Variants in ZFHX3 observed in about 807,000 individuals in gnomAD.
ZFHX3 encodes zinc finger homeobox 3.
In ZFHX3, 42 loss-of-function variants were observed where a neutral mutation model predicts 279.1. The ratio of observed to expected loss-of-function variants is 0.15; its 90% CI spans 0.12 to 0.19. The LOEUF (loss-of-function observed/expected upper bound fraction) is 0.19. ZFHX3 is among the 10% of genes least tolerant of loss of function. The pLI is 1.00. For missense variants in ZFHX3, 4,981 were observed against 4,754.0 expected (o/e 1.05, Z -1.40); for synonymous variants, 2,293 against 1,957.8 (o/e 1.17, Z -4.52).
At position 73,539,701 on chromosome 16, in the gene ZFHX3, C is replaced by T. The variant is rs77373264; in HGVS notation, c.-1546-83443G>A. On this transcript the variant is annotated intron_variant, in intron 2 of 17. Coordinates refer to the ZFHX3 transcript ENST00000641206. ...TTTGATGCTGTTCAGTAAAGAGAGA[C>T]GGCTCTTCCACCGCCTGCCCGTGTA... 4.7e-4 allele frequency among the ~76,000 whole-genome samples: 72 copies of T among 152,140 alleles called. 1 individual carries two copies. In the East Asian group the frequency reaches 0.013, roughly 27 times the overall value.
intron 5 of ZFHX3, among the ~76,000 whole-genome samples, chr16:73,158,840 A>G (rs1967158089): frequency 6.6e-6 from 1 of 152,234 alleles, no homozygotes; most frequent in Non-Finnish European, 1.5e-5. Flanking sequence ...AGGACTCCCT[A>G]TTCAATAAAC....
At chr16:73,763,205 C>T (rs2053891642) in intron 1 of ZFHX3, among the ~76,000 whole-genome samples, 2 of 151,978 alleles carry the variant, frequency 1.3e-5, no homozygotes, top group South Asian at 4.2e-4. Context: ...AAAAATTATC[C>T]CTCTTGGCAA....
At chr16:73,140,213 A>T (rs1966843799) in intron 6 of ZFHX3, among the ~76,000 whole-genome samples, 1 of 151,934 alleles carries the variant, frequency 6.6e-6, no homozygotes, top group East Asian at 1.9e-4. Flanking sequence ...GTGAGCTATG[A>T]TCATGTCACT....
intron 1 of ZFHX3, among the ~76,000 whole-genome samples, chr16:73,890,267 AC>A (rs1567441489): frequency 6.6e-6 from 1 of 150,776 alleles, no homozygotes; most frequent in Non-Finnish European, 1.5e-5. Context: ...ACAAAAAAAA[AC>A]CTCTCCCTTC....
At chr16:73,485,986 A>G (rs1024282846) in intron 2 of ZFHX3, among the ~76,000 whole-genome samples, 7 of 152,212 alleles carry the variant, frequency 4.6e-5, no homozygotes, top group East Asian at 1.9e-4. Context: ...TTGTTCATCA[A>G]TGTGTCCCAA....
intron 3 of ZFHX3, among the ~76,000 whole-genome samples, chr16:72,923,814 C>T (rs78747715): frequency 0.046 from 7,015 of 152,186 alleles, 382 homozygotes; most frequent in African/African-American, 0.12. Context: ...TACTCATTCC[C>T]GATCAACATA....
At chr16:73,383,387 T>C (rs1409575857) in intron 3 of ZFHX3, among the ~76,000 whole-genome samples, 1 of 152,226 alleles carries the variant, frequency 6.6e-6, no homozygotes, top group East Asian at 1.9e-4. Context: ...GCACTGGGCC[T>C]GGAGCTGGTA....
chr16:72,916,569 T>A (rs4788676), intron 3 of ZFHX3, among the ~76,000 whole-genome samples: 2 of 152,094 alleles, frequency 1.3e-5, no homozygotes, highest in African/African-American at 2.4e-5. Flanking sequence ...TTTGTACGAA[T>A]TGACTAACGA....
At chr16:72,951,680 C>G (rs11075950) in intron 2 of ZFHX3, among the ~76,000 whole-genome samples, 1 of 151,986 alleles carries the variant, frequency 6.6e-6, no homozygotes, top group Non-Finnish European at 1.5e-5. Flanking sequence ...GGAAATGAGT[C>G]ACAGCTGCAA....
intron 4 of ZFHX3, among the ~76,000 whole-genome samples, chr16:73,310,826 T>C (rs2015306954): frequency 6.6e-6 from 1 of 152,018 alleles, no homozygotes; most frequent in African/African-American, 2.4e-5. Flanking sequence ...TTTTCAATTA[T>C]AACTTGATAT....
chr16:72,849,679 ATGTAACAAGCG>A (rs2037563245), intron 4 of ZFHX3, among the ~76,000 whole-genome samples: 1 of 152,082 alleles, frequency 6.6e-6, no homozygotes, highest in Non-Finnish European at 1.5e-5. Context: ...CCAATGGCGG[ATGTAACAAGCG>A]TTCTTATTGG....
At chr16:73,304,171 G>A (rs1264825792) in intron 4 of ZFHX3, among the ~76,000 whole-genome samples, 4 of 152,112 alleles carry the variant, frequency 2.6e-5, no homozygotes, top group African/African-American at 9.7e-5. Context: ...CTGTGTCCAG[G>A]TTCAGGGTGT....
intron 8 of ZFHX3, among the ~76,000 whole-genome samples, chr16:73,074,979 GT>G (rs145542547): frequency 4.0e-5 from 6 of 150,692 alleles, no homozygotes; most frequent in South Asian, 2.1e-4. Context: ...GCTAATTTTT[GT>G]TTTTTTTTGT....
intron 2 of ZFHX3, among the ~76,000 whole-genome samples, chr16:73,477,629 AGGC>A (rs1261471501): frequency 6.6e-6 from 1 of 152,196 alleles, no homozygotes; most frequent in African/African-American, 2.4e-5. Flanking sequence ...TCATGGTGGC[AGGC>A]TGCACACCAC....
intron 2 of ZFHX3, among the ~76,000 whole-genome samples, chr16:73,588,562 C>T (rs1020811920): frequency 5.3e-5 from 8 of 151,450 alleles, no homozygotes; most frequent in South Asian, 2.1e-4. Context: ...TGGTGGTGGG[C>T]GCCTGTAGTC....
At chr16:73,498,219 T>C (rs1464726927) in intron 2 of ZFHX3, among the ~76,000 whole-genome samples, 5 of 152,208 alleles carry the variant, frequency 3.3e-5, no homozygotes, top group Admixed American at 2.0e-4. Context: ...AGATGAAAGA[T>C]AGAAACTTAA....
intron 1 of ZFHX3, among the ~76,000 whole-genome samples, chr16:73,771,288 C>T (rs542003409): frequency 1.3e-5 from 2 of 152,182 alleles, no homozygotes; most frequent in African/African-American, 2.4e-5. Context: ...AGTGGTACTA[C>T]AGGATCATCT....
Position 72,958,194 on chromosome 16 carries a change from G to T in ZFHX3, c.1952C>A (p.Ser651Tyr). 2 of 1,613,290 alleles carry T rather than the reference G, an allele frequency of 1.2e-6. No individual in the cohort carries two copies. The highest frequency in any genetic ancestry group is 1.7e-6 in the Non-Finnish European group (2 of 1,179,288). The change falls in exon 2 of 10, where the codon TCC becomes TAC. Residue 651 changes from serine (S) to tyrosine (Y), a missense_variant. Coordinates refer to ENST00000268489, the MANE Select transcript of ZFHX3 (RefSeq NM_006885.4). ...CATGTGGCCGCCCAGCGAGCGGGAG[G>T]AGCCCAGGACCGTGTCGCATTTGGG... ...ECPKCDTVLG[S>Y]SRSLGGHMTM...
chr16:73,140,090 G>C (rs1394331499), intron 6 of ZFHX3, among the ~76,000 whole-genome samples: 2 of 151,992 alleles, frequency 1.3e-5, no homozygotes, highest in African/African-American at 2.4e-5. Context: ...AACATAGTGA[G>C]ACCTTATCTC....
Sources: gnomAD v4.1 joint callset for allele counts (sites outside exome capture counted in the v4.1 genomes callset) on GRCh38, gnomAD v4.1.1 for gene constraint, MANE v1.5 for transcripts, NCBI Gene and HGNC (gene_info 2026-07-23, HGNC 2026-07-21) for gene names.